ETNK2: variants seen among roughly 807,000 people sequenced by gnomAD.
ETNK2 encodes ethanolamine kinase 2, also known as ethanolamine kinase-like protein.
Under a neutral mutation model 46.2 loss-of-function variants are expected in ETNK2, and 33 were observed. That is an observed-to-expected ratio of 0.71 (90% CI 0.54 to 0.96). The LOEUF (loss-of-function observed/expected upper bound fraction) is 0.96, where lower values mean the gene tolerates loss of function less well. Among genes scored for constraint, ETNK2 ranks in the 40% least tolerant of loss-of-function variants. The probability of loss-of-function intolerance (pLI) is 0.00; values close to 1 mark genes in which losing one functional copy is unlikely to be tolerated. For missense variants in ETNK2, 445 were observed against 509.7 expected, an observed-to-expected ratio of 0.87 and a Z score of 1.22; for synonymous variants, 194 against 209.0, an observed-to-expected ratio of 0.93 and a Z score of 0.62.
At chr1:204,150,391 G>A in intron 1 of ETNK2, 1 of 229,064 alleles carries the variant, frequency 4.4e-6, no homozygotes, top group Non-Finnish European at 8.7e-6. Context: ...ATCACCTTGT[G>A]CCGGGCAGTG....
In ETNK2 at chr1:204,151,987, C is replaced by T; in HGVS notation, c.-135G>A. On this transcript the variant is annotated 5_prime_UTR_variant, in exon 1 of 8. Coordinates refer to ENST00000367202, the MANE Select transcript of ETNK2 (RefSeq NM_018208.4). The surrounding 1 kb of genome is among the most constrained non-coding windows in gnomAD (Gnocchi z 8.0). ...GGCGCGAGCTGCCCGCTTCGATCGC[C>T]GGCTCGCGGCCCGCCGCCCACCGCC... The T allele has an allele frequency of 1.0e-6, 1 of 958,104 alleles. No homozygotes were observed. The highest frequency in any genetic ancestry group is 1.4e-6 in the Non-Finnish European group (1 of 735,250). 59.4% of individuals were successfully genotyped at this position (958,104 alleles called of 1,614,324 possible). A position where few individuals can be genotyped will look rare whatever the true frequency, so the allele number is the denominator to read the frequency against.
chr1:204,136,113 T>C (rs1239966315), intron 6 of ETNK2, among the ~76,000 whole-genome samples: 7 of 152,162 alleles, frequency 4.6e-5, no homozygotes, highest in Non-Finnish European at 1.0e-4. Flanking sequence ...CACACACATA[T>C]AGCCAGGCAT....
At chr1:204,145,892 G>A (rs940481506) in intron 3 of ETNK2, among the ~76,000 whole-genome samples, 1 of 152,068 alleles carries the variant, frequency 6.6e-6, no homozygotes, top group African/African-American at 2.4e-5. Flanking sequence ...TCCTTTCCTC[G>A]GCACTCAGGG....
At chr1:204,140,172 G>A (rs1179550944) in intron 4 of ETNK2, 54 bp from the exon 5 acceptor site, 8 of 1,476,078 alleles carry the variant, frequency 5.4e-6, no homozygotes, top group South Asian at 1.1e-5. Context: ...TGGCAACAGA[G>A]CCTGGTCAAG....
chr1:204,147,504 C>A, intron 2 of ETNK2: 1 of 533,418 alleles, frequency 1.9e-6, no homozygotes, highest in Non-Finnish European at 3.8e-6. Flanking sequence ...TCGCCCGAGG[C>A]CCTGTGTCCC....
Position 204,139,225 on chromosome 1 carries a change from A to G in ETNK2, c.868+810T>C, listed in dbSNP as rs539277811. Among the ~76,000 whole-genome samples the G allele has an allele frequency of 1.1e-3, 160 of 152,304 alleles. 1 individual carries two copies. Among genetic ancestry groups the G allele is most frequent in the Middle Eastern group, 6.8e-3 (2 of 294 alleles). On this transcript the variant is annotated intron_variant, in intron 5 of 7. Transcript: ENST00000367202. The stretch of plus-strand genomic sequence containing the variant: ...TCATCAGGCCACCAGGCAAACAGCT[A>G]CTTGTAGCTTGTTCTGCTCCTTATC...
chr1:204,140,642 A>G (rs2102289570), intron 4 of ETNK2, among the ~76,000 whole-genome samples: 1 of 151,648 alleles, frequency 6.6e-6, no homozygotes, highest in East Asian at 1.9e-4. Flanking sequence ...CTCCTGCCTC[A>G]GCCTCCTGAG....
At position 204,151,559 on chromosome 1, in the gene ETNK2, A is replaced by T; in HGVS notation, c.258+36T>A. 1 of 1,548,016 alleles carries T rather than the reference A, an allele frequency of 6.5e-7. No homozygotes were observed. The highest frequency in any genetic ancestry group is 2.5e-5 in the East Asian group (1 of 40,644). On this transcript the variant is annotated intron_variant, in intron 1 of 7. Transcript: ENST00000367202. The surrounding 1 kb of genome is among the most constrained non-coding windows in gnomAD (Gnocchi z 8.0). Reference sequence around the variant, plus strand: ...CCCGCATCCCCCTGGCAGCCCTGGCAGGACCCCATCCTCGGCCCCGCGCCC... The same window carrying T: ...CCCGCATCCCCCTGGCAGCCCTGGCTGGACCCCATCCTCGGCCCCGCGCCC...
intron 6 of ETNK2, among the ~76,000 whole-genome samples, chr1:204,135,408 C>T (rs1657244190): frequency 6.6e-6 from 1 of 152,064 alleles, no homozygotes; most frequent in Non-Finnish European, 1.5e-5. Context: ...TGCACGTGTA[C>T]CTCTGAATCT....
Position 204,149,687 on chromosome 1 carries a change from C to G in ETNK2, c.518+16G>C, listed in dbSNP as rs1462130378. On this transcript the variant is annotated intron_variant, in intron 2 of 7. Transcript: ENST00000367202. ...CTGAAGAATAGTAGAGACAGAGGCCCTGGCACCCTCCTCACCTGAAAAGCC... is the reference window on the plus strand; with the variant it reads ...CTGAAGAATAGTAGAGACAGAGGCCGTGGCACCCTCCTCACCTGAAAAGCC... 12 of 1,564,488 alleles carry G rather than the reference C, an allele frequency of 7.7e-6. No homozygotes were observed. The highest frequency in any genetic ancestry group is 1.0e-5 in the Non-Finnish European group (12 of 1,154,084).
intron 3 of ETNK2, among the ~76,000 whole-genome samples, chr1:204,146,301 C>T (rs1451916367): frequency 6.6e-6 from 1 of 152,146 alleles, no homozygotes; most frequent in African/African-American, 2.4e-5. Context: ...CTGCCTCTTA[C>T]AAGCCCCATA....
Position 204,141,253 on chromosome 1 carries a change from G to A in ETNK2, c.784+62C>T, listed in dbSNP as rs760357199. 49 of 1,608,944 alleles carry A rather than the reference G, an allele frequency of 3.0e-5. No homozygotes were observed. The East Asian group carries it at 5.8e-4, about 19-fold the overall frequency. On this transcript the variant is annotated intron_variant, in intron 4 of 7. Transcript: ENST00000367202. ...AAGTGCCAGCCGGAAGAACAGCTCC[G>A]TGAAGCCAGCTAACCAACCAACCAA...
At chr1:204,140,297 TCC>T (rs2102288890) in intron 4 of ETNK2, among the ~76,000 whole-genome samples, 179 bp from the exon 5 acceptor site, 2 of 136,190 alleles carry the variant, frequency 1.5e-5, no homozygotes, top group South Asian at 2.2e-4. Flanking sequence ...CATCCATCCA[TCC>T]ATCCATCCAT....
chr1:204,136,262 G>A (rs927080637), intron 6 of ETNK2, among the ~76,000 whole-genome samples: 5 of 151,452 alleles, frequency 3.3e-5, no homozygotes, highest in South Asian at 4.2e-4. Context: ...GCCGGGCATG[G>A]TGGCACACCT....
chr1:204,136,425 A>ATATATATATATATATATATATATATATG (rs1553301315), intron 6 of ETNK2, among the ~76,000 whole-genome samples: 1 of 149,412 alleles, frequency 6.7e-6, no homozygotes, highest in African/African-American at 2.5e-5. Context: ...ATATATATAT[A>ATATATATATATATATATATATATATATG]TATGCCGGGC....
intron 6 of ETNK2, among the ~76,000 whole-genome samples, chr1:204,136,288 C>T (rs1017057932): frequency 2.6e-5 from 4 of 151,776 alleles, no homozygotes; most frequent in Non-Finnish European, 5.9e-5. Flanking sequence ...CCTAGCTACT[C>T]AGGAGGCTGA....
At chr1:204,141,575 A>G in intron 3 of ETNK2, 118 bp from the exon 4 acceptor site, 1 of 1,137,794 alleles carries the variant, frequency 8.8e-7, no homozygotes, top group Non-Finnish European at 1.2e-6. Context: ...GGGGCCTTGG[A>G]AAAATGGCCA....
intron 1 of ETNK2, chr1:204,150,891 C>G (rs1166710257): frequency 5.9e-5 from 9 of 152,462 alleles, no homozygotes; most frequent in African/African-American, 2.2e-4. Context: ...CCAGCACAAG[C>G]TACAAGCGCC....
chr1:204,149,541 T>C (rs982882094), intron 2 of ETNK2, among the ~76,000 whole-genome samples, 162 bp downstream of exon 2: 2 of 152,224 alleles, frequency 1.3e-5, no homozygotes, highest in African/African-American at 4.8e-5. Flanking sequence ...CAGAAAGCGA[T>C]AGCCCCTCTC....
Sources: allele counts gnomAD v4.1 joint callset (sites outside exome capture counted in the v4.1 genomes callset), GRCh38; gene constraint gnomAD v4.1.1; non-coding constraint Gnocchi (gnomAD v3.1); transcripts MANE v1.5; gene names NCBI Gene and HGNC (gene_info 2026-07-23, HGNC 2026-07-21).